Variants in SETBP1 observed in about 807,000 individuals in gnomAD.
The protein encoded by SETBP1 is SET binding protein 1, also known as SET-binding protein.
Under a neutral mutation model 101.0 loss-of-function variants are expected in SETBP1, and 9 were observed. The ratio of observed to expected loss-of-function variants is 0.09; its 90% confidence interval spans 0.05 to 0.16. SETBP1 has a LOEUF of 0.16. Among genes scored for constraint, SETBP1 ranks in the 10% least tolerant of loss-of-function variants. The pLI, the probability that SETBP1 is intolerant of heterozygous loss-of-function variation, is 1.00. For synonymous variants in SETBP1, 818 were observed against 788.5 expected (o/e 1.04, Z -0.63); for missense variants, 1,858 against 2,033.8 (o/e 0.91, Z 1.66).
chr18:44,902,176 A>G (rs1353127239), intron 3 of SETBP1, among the ~76,000 whole-genome samples: 1 of 152,120 alleles, frequency 6.6e-6, no homozygotes, highest in African/African-American at 2.4e-5. Context: ...TAGTGCCATC[A>G]TTTGAACAGC....
intron 2 of SETBP1, among the ~76,000 whole-genome samples, chr18:44,750,187 G>T (rs1447250288): frequency 6.6e-6 from 1 of 152,156 alleles, no homozygotes; most frequent in Non-Finnish European, 1.5e-5. Context: ...TCATAGACTG[G>T]CTGGCTTTAA....
At chr18:45,004,443 C>T (rs2072682922) in intron 4 of SETBP1, among the ~76,000 whole-genome samples, 1 of 152,218 alleles carries the variant, frequency 6.6e-6, no homozygotes, top group South Asian at 2.1e-4. Flanking sequence ...ATGTAAACTT[C>T]ACTTTCTATT....
At position 45,048,958 on chromosome 18, in the gene SETBP1, G is replaced by A. The variant is rs368710377; in HGVS notation, c.4171+10303G>A. Among the ~76,000 whole-genome samples, 36 of 110,698 alleles carry A rather than the reference G, an allele frequency of 3.3e-4. 2 individuals are homozygous for A. The highest frequency in any genetic ancestry group is 2.7e-3 in the East Asian group (10 of 3,746). The allele number at this position is 110,698 out of a possible 152,430, so 72.6% of individuals were successfully genotyped here. ...CTGCAGTCCGCAGTCCGGCCTGGGC[G>A]ACAGAGCGAGACTCCGTCTCAAAAA... is the stretch of plus-strand genomic sequence containing the variant. On this transcript the variant is annotated intron_variant, in intron 5 of 5. Transcript: ENST00000649279.
chr18:44,691,363 C>T (rs2068929241), intron 1 of SETBP1, among the ~76,000 whole-genome samples: 1 of 151,786 alleles, frequency 6.6e-6, no homozygotes, highest in African/African-American at 2.4e-5. Flanking sequence ...CACCCCCCGC[C>T]CCCCAACCCT....
At chr18:44,865,499 G>A (rs2069109840) in intron 2 of SETBP1, among the ~76,000 whole-genome samples, 1 of 152,160 alleles carries the variant, frequency 6.6e-6, no homozygotes, top group Non-Finnish European at 1.5e-5. Context: ...ACTCTTTTGC[G>A]ATATCCTGAT....
At chr18:45,027,223 A>G (rs1338315711) in intron 4 of SETBP1, among the ~76,000 whole-genome samples, 6 of 152,230 alleles carry the variant, frequency 3.9e-5, no homozygotes, top group Admixed American at 6.5e-5. Flanking sequence ...TTATCTCCTC[A>G]GTCTATTTCT....
intron 4 of SETBP1, among the ~76,000 whole-genome samples, chr18:44,968,024 A>G (rs1333048018): frequency 2.6e-5 from 4 of 152,172 alleles, no homozygotes; most frequent in Non-Finnish European, 4.4e-5. Flanking sequence ...CAGTGGAAAA[A>G]AAACATTAAT....
intron 5 of SETBP1, among the ~76,000 whole-genome samples, chr18:45,043,460 G>T (rs1171460148): frequency 6.7e-6 from 1 of 150,094 alleles, no homozygotes; most frequent in African/African-American, 2.5e-5. Flanking sequence ...AAGCAAACAT[G>T]TATCAGCCAT....
intron 2 of SETBP1, among the ~76,000 whole-genome samples, chr18:44,796,974 G>C (rs1321702568): frequency 6.6e-6 from 1 of 152,104 alleles, no homozygotes; most frequent in South Asian, 2.1e-4. Flanking sequence ...CCTGAAGGGG[G>C]GTAAATGAGG....
chr18:44,811,466 G>A (rs2071861126), intron 2 of SETBP1, among the ~76,000 whole-genome samples: 1 of 152,232 alleles, frequency 6.6e-6, no homozygotes, highest in Admixed American at 6.5e-5. Flanking sequence ...CAAATTGTTT[G>A]TGCTGACTGC....
At chr18:44,809,705 G>T (rs2071819505) in intron 2 of SETBP1, among the ~76,000 whole-genome samples, 1 of 152,198 alleles carries the variant, frequency 6.6e-6, no homozygotes, top group Admixed American at 6.5e-5. Flanking sequence ...GTTGGGGAAG[G>T]AGGTGAGGGG....
At chr18:44,916,670 TTTTCTGA>T (rs72183023) in intron 3 of SETBP1, among the ~76,000 whole-genome samples, 12,350 of 152,210 alleles carry the variant, frequency 0.081, 658 homozygotes, top group Non-Finnish European at 0.12. Context: ...GGAGAGAATA[TTTTCTGA>T]GCAGTCAGCA....
intron 3 of SETBP1, among the ~76,000 whole-genome samples, chr18:44,888,489 G>A (rs2069698648): frequency 6.6e-6 from 1 of 152,010 alleles, no homozygotes; most frequent in Non-Finnish European, 1.5e-5. Context: ...AATTGAATTG[G>A]TACCAAAAGG....
intron 2 of SETBP1, among the ~76,000 whole-genome samples, chr18:44,859,921 C>T (rs991014): frequency 0.35 from 53,589 of 152,056 alleles, 9,905 homozygotes; most frequent in Non-Finnish European, 0.41. Context: ...CAGATTTGGC[C>T]GAGGGACCCA....
chr18:44,803,981 T>C lies in SETBP1; in HGVS notation c.487-65249T>C, dbSNP rs546156915. On this transcript the variant is annotated intron_variant, in intron 2 of 5. Transcript: ENST00000649279. ...TATTGGAACTATTTTTTTTCTCCTTTTTCATCCCTCACTCTTTTGGCTAAT... is the reference window on the plus strand; with the variant it reads ...TATTGGAACTATTTTTTTTCTCCTTCTTCATCCCTCACTCTTTTGGCTAAT... Among the ~76,000 whole-genome samples, 39 of 152,280 alleles carry C rather than the reference T, an allele frequency of 2.6e-4. 1 individual carries two copies. Among genetic ancestry groups the C allele is most frequent in the Admixed American group, 5.2e-4 (8 of 15,296 alleles).
chr18:44,888,166 G>C (rs1426066844), intron 3 of SETBP1, among the ~76,000 whole-genome samples: 1 of 152,060 alleles, frequency 6.6e-6, no homozygotes, highest in African/African-American at 2.4e-5. Context: ...TCTACACCAG[G>C]TTCCCAGTGA....
In SETBP1 at chr18:45,063,174, A is replaced by G; in HGVS notation, c.4267A>G (p.Thr1423Ala). Residue 1423 changes from threonine to alanine, a missense_variant, in exon 6 of 6, where the codon ACC becomes GCC. Transcript: ENST00000649279. ...GTGCAACTACACCAAGATCCTGTCC[A>G]CCAAGAAGAACCTGGACCACGTGAA... is the stretch of plus-strand genomic sequence containing the variant. ...KMCNYTKILS[T>A]KKNLDHVNKI... The G allele has an allele frequency of 6.2e-7, 1 of 1,614,086 alleles. No individual in the cohort carries two copies. Among genetic ancestry groups the G allele is most frequent in the Non-Finnish European group, 8.5e-7 (1 of 1,180,008 alleles).
At chr18:44,829,417 T>C (rs117511687) in intron 2 of SETBP1, among the ~76,000 whole-genome samples, 96 of 152,310 alleles carry the variant, frequency 6.3e-4, no homozygotes, top group Non-Finnish European at 8.7e-4. Context: ...GACTTGTAAG[T>C]CAGCTGAACA....
intron 2 of SETBP1, among the ~76,000 whole-genome samples, chr18:44,746,888 A>G (rs1599067756): frequency 1.3e-5 from 2 of 152,254 alleles, no homozygotes; most frequent in East Asian, 3.9e-4. Flanking sequence ...ATTGTTTCTG[A>G]GTGTGTAAGC....
Sources: gnomAD v4.1 joint callset for allele counts (sites outside exome capture counted in the v4.1 genomes callset) on GRCh38, gnomAD v4.1.1 for gene constraint, MANE v1.5 for transcripts, NCBI Gene and HGNC (gene_info 2026-07-23, HGNC 2026-07-21) for gene names.